SLC22A23: variants seen among roughly 807,000 people sequenced by gnomAD.
SLC22A23 encodes the protein ion transporter protein.
Under a neutral mutation model 61.0 loss-of-function variants are expected in SLC22A23, and 26 were observed. The ratio of observed to expected loss-of-function variants is 0.43; its 90% CI spans 0.31 to 0.59. The LOEUF is 0.59. SLC22A23 is among the 20% of genes least tolerant of loss of function. The pLI is 0.11. For synonymous variants in SLC22A23, 430 were observed against 413.9 expected, an observed-to-expected ratio of 1.04 and a Z score of -0.47; for missense variants, 796 against 934.7, an observed-to-expected ratio of 0.85 and a Z score of 1.94.
intron 3 of SLC22A23, among the ~76,000 whole-genome samples, chr6:3,343,089 G>A (rs1764238512): frequency 6.6e-6 from 1 of 152,142 alleles, no homozygotes; most frequent in Non-Finnish European, 1.5e-5. Context: ...CCTTAAAGGG[G>A]GATTTATGAC....
At position 3,309,773 on chromosome 6, in the gene SLC22A23, G is replaced by A. The variant is rs1056015492; in HGVS notation, c.1083-11555C>T. On this transcript the variant is annotated intron_variant, in intron 4 of 9. Transcript: ENST00000406686. This position sits in a 1 kb window ranked among gnomAD's most constrained non-coding sequence, Gnocchi z 4.7. ...GATGGCTCTCCAATCACTCACCAGG[G>A]ACAGGCAACATTACAAAACGGAACT... Among the ~76,000 whole-genome samples, 1 of 152,200 alleles carries A rather than the reference G, an allele frequency of 6.6e-6. No homozygotes were observed. The highest frequency in any genetic ancestry group is 2.4e-5 in the African/African-American group (1 of 41,442).
At chr6:3,298,278 G>GCA in intron 4 of SLC22A23, 60 bp from the exon 5 acceptor site, 3 of 1,539,072 alleles carry the variant, frequency 1.9e-6, no homozygotes, top group Non-Finnish European at 2.6e-6. Context: ...ACCGGGAAGT[G>GCA]TGGCTTAGGT....
chr6:3,426,809 T>C (rs1310327874), intron 1 of SLC22A23, among the ~76,000 whole-genome samples: 2 of 152,210 alleles, frequency 1.3e-5, no homozygotes, highest in Non-Finnish European at 2.9e-5. Context: ...CTGGGCCTAC[T>C]CCACATCCCA....
intron 3 of SLC22A23, among the ~76,000 whole-genome samples, chr6:3,366,332 C>CAAAAAAAAAAAAAAA (rs11387672): frequency 2.7e-5 from 2 of 74,164 alleles, no homozygotes; most frequent in Non-Finnish European, 4.6e-5. Context: ...GACTCTGTCT[C>CAAAAAAAAAAAAAAA]AAAAAAAAAA....
intron 1 of SLC22A23, among the ~76,000 whole-genome samples, chr6:3,437,029 A>C (rs1771259358): frequency 6.6e-6 from 1 of 152,206 alleles, no homozygotes; most frequent in Non-Finnish European, 1.5e-5. Context: ...TCTGCTGTCA[A>C]AGGTCATTTC....
At chr6:3,406,743 G>A (rs375984694) in intron 3 of SLC22A23, among the ~76,000 whole-genome samples, 64 of 152,264 alleles carry the variant, frequency 4.2e-4, no homozygotes, top group African/African-American at 1.5e-3. Context: ...TTAGGAAGAT[G>A]CCAGTAATCT....
chr6:3,407,132 T>C (rs1768894384), intron 3 of SLC22A23, among the ~76,000 whole-genome samples: 1 of 152,196 alleles, frequency 6.6e-6, no homozygotes, highest in African/African-American at 2.4e-5. Context: ...GAAAAGAAGT[T>C]GGGGCCATTA....
rs975231869 is a variant in SLC22A23 at position 3,297,103 on chromosome 6, T to C, written c.1210+988A>G. Among the ~76,000 whole-genome samples, 2 of 152,256 alleles carry C rather than the reference T, an allele frequency of 1.3e-5. No individual in the cohort carries two copies. Among genetic ancestry groups the C allele is most frequent in the Non-Finnish European group, 2.9e-5 (2 of 68,046 alleles). On this transcript the variant is annotated intron_variant, in intron 5 of 9. Transcript: ENST00000406686. The surrounding 1 kb of genome is among the most constrained non-coding windows in gnomAD (Gnocchi z 4.3). ...CGTATGCACGTGTAACTTCCCTGTC[T>C]GTGTGCCCCACCTGCCTGCAAGTTA... is the stretch of plus-strand genomic sequence containing the variant.
intron 8 of SLC22A23, 98 bp downstream of exon 8, chr6:3,284,981 A>G (rs1456445038): frequency 6.4e-7 from 1 of 1,557,626 alleles, no homozygotes; most frequent in Admixed American, 1.9e-5. Context: ...ACGGGGAGAA[A>G]GAGAAAATGG....
chr6:3,310,429 C>T lies in SLC22A23; in HGVS notation c.1083-12211G>A, dbSNP rs62392935. Among the ~76,000 whole-genome samples the T allele has an allele frequency of 3.9e-3, 551 of 140,254 alleles. 2 individuals carry two copies. Among genetic ancestry groups the T allele is most frequent in the African/African-American group, 7.2e-3 (256 of 35,508 alleles). The allele number at this position is 140,254 out of a possible 152,430, so 92.0% of individuals were successfully genotyped here. A position where few individuals can be genotyped will look rare whatever the true frequency, so the allele number is the denominator to read the frequency against. ...CCACTCAAGCACCCTGTCTCCCACT[C>T]GAGCACCCTGTCTCCCAGGGAGCAC... On this transcript the variant is annotated intron_variant, in intron 4 of 9. Coordinates refer to ENST00000406686, the MANE Select transcript of SLC22A23 (RefSeq NM_015482.2).
In SLC22A23 at chr6:3,316,240, T is replaced by C. The variant is rs1022759626; in HGVS notation, c.1082+7594A>G. Among the ~76,000 whole-genome samples the C allele has an allele frequency of 7.9e-5, 12 of 152,330 alleles. No individual in the cohort carries two copies. The East Asian group carries it at 2.3e-3, about 29-fold the overall frequency. ...TGGTGAAGGTTTTTTCATTTATTGGTTCCCCCACCTACAAATAGGAATAAA... is the reference window on the plus strand; with the variant it reads ...TGGTGAAGGTTTTTTCATTTATTGGCTCCCCCACCTACAAATAGGAATAAA... On this transcript the variant is annotated intron_variant, in intron 4 of 9. Transcript: ENST00000406686.
rs185274184 is a variant in SLC22A23 at position 3,336,728 on chromosome 6, T to G, written c.914-12726A>C. The stretch of plus-strand genomic sequence containing the variant: ...CAGACCACAGAAATCAGGCACAACT[T>G]CCATGTGGAAATTTATTACCCAATG... On this transcript the variant is annotated intron_variant, in intron 3 of 9. Transcript: ENST00000406686. Among the ~76,000 whole-genome samples the G allele has an allele frequency of 1.7e-3, 252 of 151,842 alleles. 6 individuals are homozygous for G. Among genetic ancestry groups the G allele is most frequent in the Non-Finnish European group, 1.2e-4 (8 of 68,004 alleles).
At chr6:3,373,558 G>A (rs139328308) in intron 3 of SLC22A23, among the ~76,000 whole-genome samples, 1 of 152,080 alleles carries the variant, frequency 6.6e-6, no homozygotes, top group Non-Finnish European at 1.5e-5. Flanking sequence ...AGGAAGGCCT[G>A]GGGGAGAGGT....
At chr6:3,434,785 G>C (rs897573153) in intron 1 of SLC22A23, among the ~76,000 whole-genome samples, 1 of 152,182 alleles carries the variant, frequency 6.6e-6, no homozygotes, top group African/African-American at 2.4e-5. Flanking sequence ...GCAATGCCTG[G>C]ATCAACCTCC....
In SLC22A23 at chr6:3,273,486, C is replaced by G. The variant is rs1347078999; in HGVS notation, c.1704-74G>C. The G allele has an allele frequency of 3.9e-6, 6 of 1,530,160 alleles. No homozygotes were observed. The African/African-American group carries it at 8.2e-5, about 21-fold the overall frequency. The allele number at this position is 1,530,160 out of a possible 1,614,324, so 94.8% of individuals were successfully genotyped here. ...GGATCCCGGGAAAGCTCGGGGTGGACCAGGAAGCCACCTCTGCAGGGGCCC... is the reference window on the plus strand; with the variant it reads ...GGATCCCGGGAAAGCTCGGGGTGGAGCAGGAAGCCACCTCTGCAGGGGCCC... On this transcript the variant is annotated intron_variant, in intron 9 of 9. Coordinates refer to ENST00000406686, the MANE Select transcript of SLC22A23 (RefSeq NM_015482.2).
chr6:3,365,547 G>T (rs1471835185), intron 3 of SLC22A23, among the ~76,000 whole-genome samples: 2 of 152,166 alleles, frequency 1.3e-5, no homozygotes, highest in Non-Finnish European at 2.9e-5. Flanking sequence ...AGATGGAGCA[G>T]TGGGCGGACC....
intron 1 of SLC22A23, among the ~76,000 whole-genome samples, chr6:3,436,647 G>A (rs4959835): frequency 0.2 from 30,336 of 152,004 alleles, 3,210 homozygotes; most frequent in East Asian, 0.35. Flanking sequence ...ACCGTGCACC[G>A]CTCTGCCAGG....
At chr6:3,416,815 G>A (rs913360894) in intron 1 of SLC22A23, among the ~76,000 whole-genome samples, 2 of 152,258 alleles carry the variant, frequency 1.3e-5, no homozygotes, top group African/African-American at 4.8e-5. Context: ...CGGGGGTGGG[G>A]TGGTGCAGGG....
At position 3,415,743 on chromosome 6, in the gene SLC22A23, G is replaced by A. The variant is rs1769652226; in HGVS notation, c.758+9C>T. 2 of 1,542,342 alleles carry A rather than the reference G, an allele frequency of 1.3e-6. No individual in the cohort carries two copies. The highest frequency in any genetic ancestry group is 1.8e-6 in the Non-Finnish European group (2 of 1,138,698). On this transcript the variant is annotated intron_variant, in intron 2 of 9. Coordinates refer to ENST00000406686, the MANE Select transcript of SLC22A23 (RefSeq NM_015482.2). The stretch of plus-strand genomic sequence containing the variant: ...CAAAGGTTCGTGCGGCGGGCATGTT[G>A]GTACTCACCAGTCAGCAATGCATCC...
Sources: allele counts gnomAD v4.1 joint callset (sites outside exome capture counted in the v4.1 genomes callset), GRCh38; gene constraint gnomAD v4.1.1; non-coding constraint Gnocchi (gnomAD v3.1); transcripts MANE v1.5; gene names NCBI Gene and HGNC (gene_info 2026-07-23, HGNC 2026-07-21).